Variants in GRID2 observed in about 807,000 individuals in gnomAD.
GRID2 encodes glutamate receptor ionotropic, delta-2.
GRID2 carries 33 observed loss-of-function variants against 114.8 expected under a neutral mutation model. That is an observed-to-expected ratio of 0.29 (90% CI 0.22 to 0.38). The LOEUF is 0.38. Among genes scored for constraint, GRID2 ranks in the 10% least tolerant of loss-of-function variants. GRID2 has a pLI of 1.00. For synonymous variants in GRID2, 505 were observed against 449.9 expected, an observed-to-expected ratio of 1.12 and a Z score of -1.55; for missense variants, 1,184 against 1,257.7, an observed-to-expected ratio of 0.94 and a Z score of 0.89.
At chr4:93,723,589 A>G (rs1422620432) in intron 14 of GRID2, among the ~76,000 whole-genome samples, 1 of 152,232 alleles carries the variant, frequency 6.6e-6, no homozygotes, top group Non-Finnish European at 1.5e-5. Flanking sequence ...GCTTTTATGA[A>G]CTTTTAATTC....
intron 2 of GRID2, among the ~76,000 whole-genome samples, chr4:93,011,125 T>G (rs1265409168): frequency 6.6e-6 from 1 of 151,930 alleles, no homozygotes; most frequent in Admixed American, 6.6e-5. Context: ...GACAGGTTTT[T>G]TTTTTGTTTC....
intron 13 of GRID2, among the ~76,000 whole-genome samples, chr4:93,572,903 T>C (rs1736063597): frequency 1.3e-5 from 2 of 152,132 alleles, no homozygotes; most frequent in Non-Finnish European, 2.9e-5. Flanking sequence ...TCTGTATTAT[T>C]GTACATATTT....
chr4:92,353,845 A>G (rs1425132864), intron 1 of GRID2, among the ~76,000 whole-genome samples: 1 of 151,944 alleles, frequency 6.6e-6, no homozygotes, highest in Non-Finnish European at 1.5e-5. Flanking sequence ...TGCCCTTTCC[A>G]TAACCTCCAT....
chr4:92,315,993 C>CAAAAAAAAAAAAAAAAAA (rs778361565), intron 1 of GRID2, among the ~76,000 whole-genome samples: 4 of 61,908 alleles, frequency 6.5e-5, no homozygotes, highest in African/African-American at 1.2e-4. Flanking sequence ...AAACAAAAAG[C>CAAAAAAAAAAAAAAAAAA]AAAAAAAAAA....
At chr4:93,071,561 G>T (rs1007053989) in intron 2 of GRID2, among the ~76,000 whole-genome samples, 2 of 152,094 alleles carry the variant, frequency 1.3e-5, no homozygotes, top group Non-Finnish European at 2.9e-5. Flanking sequence ...CTAATGAGTG[G>T]GGCTGCAGGA....
rs762436107 is a variant in GRID2 at position 93,679,095 on chromosome 4, A to G, written c.2360+52660A>G. Among the ~76,000 whole-genome samples the G allele has an allele frequency of 2.3e-4, 35 of 151,204 alleles. 1 individual carries two copies. Among genetic ancestry groups the G allele is most frequent in the Non-Finnish European group, 4.9e-4 (33 of 67,902 alleles). On this transcript the variant is annotated intron_variant, in intron 14 of 15. Transcript: ENST00000282020. ...AGGATGGAGGAAGATCTACCAAGCA[A>G]ATGGAAAATAAAAAAAGTCAGGGAT...
chr4:93,644,108 G>A lies in GRID2; in HGVS notation c.2360+17673G>A, dbSNP rs1301998781. 9.8e-5 allele frequency among the ~76,000 whole-genome samples: 8 copies of A among 81,902 alleles called. 2 individuals are homozygous for A. Among genetic ancestry groups the A allele is most frequent in the Admixed American group, 5.2e-4 (5 of 9,556 alleles). The allele number at this position is 81,902 out of a possible 152,430, so 53.7% of individuals were successfully genotyped here. A position where few individuals can be genotyped will look rare whatever the true frequency, so the allele number is the denominator to read the frequency against. On this transcript the variant is annotated intron_variant, in intron 14 of 15. Transcript: ENST00000282020. The stretch of plus-strand genomic sequence containing the variant: ...CGTCCGTCACCCCTTTCTTTGACTC[G>A]GAAAGGGAACTCCCTGACCCCTTGC...
intron 2 of GRID2, among the ~76,000 whole-genome samples, chr4:92,952,898 C>T (rs1752134181): frequency 6.6e-6 from 1 of 152,144 alleles, no homozygotes; most frequent in Non-Finnish European, 1.5e-5. Context: ...AGTGAAAAAT[C>T]ACGGAGTCAG....
rs186165648 is a variant in GRID2, at chr4:92,439,792, G to A, written c.88+135048G>A. Among the ~76,000 whole-genome samples, 104 of 144,954 alleles carry A rather than the reference G, an allele frequency of 7.2e-4. 3 individuals carry two copies. Among genetic ancestry groups the A allele is most frequent in the East Asian group, 3.3e-3 (17 of 5,080 alleles). ...AAGGAGATTCAGCATAGTCCTGCCA[G>A]CAAAGATTATTTATTTACTTCAAGA... On this transcript the variant is annotated intron_variant, in intron 1 of 15. Coordinates refer to ENST00000282020, the MANE Select transcript of GRID2 (RefSeq NM_001510.4).
At chr4:92,429,863 G>A (rs959217851) in intron 1 of GRID2, among the ~76,000 whole-genome samples, 2 of 152,134 alleles carry the variant, frequency 1.3e-5, no homozygotes, top group Admixed American at 1.3e-4. Flanking sequence ...ATGATATGGA[G>A]CACCTTTTCA....
Position 93,340,243 on chromosome 4 carries a change from T to C in GRID2, c.1246-55364T>C, listed in dbSNP as rs974073255. Among the ~76,000 whole-genome samples the C allele has an allele frequency of 6.5e-3, 579 of 89,718 alleles. 3 individuals carry two copies. The highest frequency in any genetic ancestry group is 0.059 in the African/African-American group (538 of 9,190). The allele number at this position is 89,718 out of a possible 152,430, so 58.9% of individuals were successfully genotyped here. A position where few individuals can be genotyped will look rare whatever the true frequency, so the allele number is the denominator to read the frequency against. ...ACTTCAACCCATTATCTCCTCTCTT[T>C]TTTTTTTTTTTTTTTAACTTTCTGT... On this transcript the variant is annotated intron_variant, in intron 8 of 15. Coordinates refer to ENST00000282020, the MANE Select transcript of GRID2 (RefSeq NM_001510.4).
chr4:92,343,085 AAATTT>A (rs1298111054), intron 1 of GRID2, among the ~76,000 whole-genome samples: 1 of 152,190 alleles, frequency 6.6e-6, no homozygotes, highest in Admixed American at 6.6e-5. Context: ...ATGCAAAAAT[AAATTT>A]AATTTATCAT....
intron 2 of GRID2, among the ~76,000 whole-genome samples, chr4:92,783,796 G>T (rs1335140393): frequency 6.6e-6 from 1 of 151,944 alleles, no homozygotes; most frequent in Non-Finnish European, 1.5e-5. Context: ...TGAGAAGGGA[G>T]GGTTGCTTTA....
At chr4:93,015,607 G>A (rs1273402023) in intron 2 of GRID2, among the ~76,000 whole-genome samples, 2 of 152,090 alleles carry the variant, frequency 1.3e-5, no homozygotes, top group African/African-American at 4.8e-5. Flanking sequence ...ATTTATATAT[G>A]CTATTAATCC....
chr4:93,313,933 G>C (rs553213851), intron 8 of GRID2, among the ~76,000 whole-genome samples: 1 of 152,224 alleles, frequency 6.6e-6, no homozygotes, highest in South Asian at 2.1e-4. Context: ...GCTAGCATGT[G>C]TAAAAAGTCT....
At chr4:92,737,787 G>T (rs895568471) in intron 2 of GRID2, among the ~76,000 whole-genome samples, 1 of 152,060 alleles carries the variant, frequency 6.6e-6, no homozygotes, top group African/African-American at 2.4e-5. Flanking sequence ...TCAGAGAAAT[G>T]AGTATTTTTC....
intron 2 of GRID2, among the ~76,000 whole-genome samples, chr4:93,024,015 T>C (rs1408309721): frequency 1.3e-5 from 2 of 151,752 alleles, no homozygotes; most frequent in African/African-American, 4.8e-5. Context: ...TAAAAGAAAA[T>C]CTCTATAAAA....
At chr4:92,759,432 T>A (rs1393045549) in intron 2 of GRID2, among the ~76,000 whole-genome samples, 4 of 152,172 alleles carry the variant, frequency 2.6e-5, no homozygotes, top group Admixed American at 2.6e-4. Flanking sequence ...TAAGGCCTAA[T>A]TCAAATGAAA....
At chr4:93,400,645 G>A (rs978515073) in intron 9 of GRID2, among the ~76,000 whole-genome samples, 4 of 152,010 alleles carry the variant, frequency 2.6e-5, no homozygotes, top group Non-Finnish European at 5.9e-5. Flanking sequence ...AGAAAGGCGT[G>A]CGAAGCTATG....
Sources: allele counts gnomAD v4.1 joint callset (sites outside exome capture counted in the v4.1 genomes callset), GRCh38; gene constraint gnomAD v4.1.1; transcripts MANE v1.5; gene names NCBI Gene and HGNC (gene_info 2026-07-23, HGNC 2026-07-21).